Variants in HIP1 observed in about 807,000 individuals in gnomAD.
The protein encoded by HIP1 is huntingtin-interacting protein 1.
Under a neutral mutation model 147.6 loss-of-function variants are expected in HIP1, and 65 were observed. That is an observed-to-expected ratio of 0.44 (90% CI 0.36 to 0.54). The LOEUF is 0.54. HIP1 is among the 20% of genes least tolerant of loss of function. The probability of loss-of-function intolerance (pLI) is 0.00; values close to 1 mark genes in which losing one functional copy is unlikely to be tolerated. For synonymous variants in HIP1, 479 were observed against 504.0 expected, an observed-to-expected ratio of 0.95 and a Z score of 0.67; for missense variants, 1,061 against 1,299.6, an observed-to-expected ratio of 0.82 and a Z score of 2.82.
Position 75,556,306 on chromosome 7 carries a change from C to A in HIP1, c.1684-137G>T, listed in dbSNP as rs2116815528. On this transcript the variant is annotated intron_variant, in intron 17 of 30. Transcript: ENST00000336926. ...TTTAACCTGCCACTCTGATTCCCTCCCGGGGACACACTGATTGCAGTGGGG... is the reference window on the plus strand; with the variant it reads ...TTTAACCTGCCACTCTGATTCCCTCACGGGGACACACTGATTGCAGTGGGG... 8 of 1,087,566 alleles carry A rather than the reference C, an allele frequency of 7.4e-6. No homozygotes were observed. In the East Asian group the frequency reaches 1.9e-4, roughly 26 times the overall value. The allele number at this position is 1,087,566 out of a possible 1,614,324, so 67.4% of individuals were successfully genotyped here. A position where few individuals can be genotyped will look rare whatever the true frequency, so the allele number is the denominator to read the frequency against.
In HIP1 at chr7:75,556,698, G is replaced by T; in HGVS notation, c.1683+12C>A. On this transcript the variant is annotated intron_variant, in intron 17 of 30. Coordinates refer to ENST00000336926, the MANE Select transcript of HIP1 (RefSeq NM_005338.7). ...AAGACTCTATCTCCAAAAAAAAAAA[G>T]GAGGTATTTACCTGGGCAGAAGTTT... 6.6e-7 allele frequency: 1 copy of T among 1,511,570 alleles called. No individual in the cohort carries two copies. Among genetic ancestry groups the T allele is most frequent in the Non-Finnish European group, 9.1e-7 (1 of 1,095,024 alleles). 93.6% of individuals were successfully genotyped at this position (1,511,570 alleles called of 1,614,324 possible). A position where few individuals can be genotyped will look rare whatever the true frequency, so the allele number is the denominator to read the frequency against.
At chr7:75,681,333 C>A (rs545729068) in intron 1 of HIP1, among the ~76,000 whole-genome samples, 6 of 152,158 alleles carry the variant, frequency 3.9e-5, no homozygotes, top group Non-Finnish European at 8.8e-5. Context: ...TCTCTACCTT[C>A]TGGCCTTTGC....
intron 1 of HIP1, among the ~76,000 whole-genome samples, chr7:75,660,719 A>G (rs1171441029): frequency 6.6e-6 from 1 of 152,158 alleles, no homozygotes; most frequent in African/African-American, 2.4e-5. Flanking sequence ...GCCTCCTTCC[A>G]GCTCTTTCCA....
At chr7:75,591,986 G>T in intron 4 of HIP1, 70 bp downstream of exon 4, 2 of 1,219,244 alleles carry the variant, frequency 1.6e-6, no homozygotes, top group Non-Finnish European at 1.2e-6. Context: ...TCACCCTCCA[G>T]TCCTTGCTCT....
chr7:75,591,139 TC>T (rs1320856419), intron 4 of HIP1, among the ~76,000 whole-genome samples: 1 of 151,832 alleles, frequency 6.6e-6, no homozygotes, highest in Non-Finnish European at 1.5e-5. Flanking sequence ...TTCAAGCGAT[TC>T]TCCTGCCTCA....
At chr7:75,599,469 C>T (rs1796891560) in intron 1 of HIP1, among the ~76,000 whole-genome samples, 1 of 152,224 alleles carries the variant, frequency 6.6e-6, no homozygotes, top group African/African-American at 2.4e-5. Context: ...GCACCACTGC[C>T]TGGCATTGGC....
In HIP1 at chr7:75,546,943, C is replaced by T; in HGVS notation, c.2555G>A (p.Gly852Asp). The T allele has an allele frequency of 6.4e-7, 1 of 1,566,362 alleles. No homozygotes were observed. ...AGGGCCCACACCCACGCTCACCCTGCCGCTCTCCACAATCTCTCTCTGGAG... is the reference window on the plus strand; with the variant it reads ...AGGGCCCACACCCACGCTCACCCTGTCGCTCTCCACAATCTCTCTCTGGAG... ...KDLQREIVES[G>D]RGTASPKEFY... Residue 852 changes from glycine (G) to aspartate (D), a missense_variant, in exon 25 of 31, where the codon GGC becomes GAC. Physicochemically the swap from Gly to Asp is moderately conservative, Grantham distance 94. This residue lies in a region of HIP1 where 810 missense variants were observed against 946.8 expected (regional missense o/e 0.86). Transcript: ENST00000336926.
chr7:75,592,942 T>C (rs1796555088), intron 2 of HIP1, among the ~76,000 whole-genome samples: 1 of 152,142 alleles, frequency 6.6e-6, no homozygotes, highest in South Asian at 2.1e-4. Context: ...GCTGAGTTGA[T>C]GATGTGTCCT....
chr7:75,680,801 A>G (rs1375481863), intron 1 of HIP1, among the ~76,000 whole-genome samples: 1 of 151,466 alleles, frequency 6.6e-6, no homozygotes, highest in Non-Finnish European at 1.5e-5. Flanking sequence ...TTTGAGATGG[A>G]GTCTTGCTCT....
intron 1 of HIP1, among the ~76,000 whole-genome samples, chr7:75,629,108 G>A (rs782061445): frequency 1.3e-5 from 2 of 152,148 alleles, no homozygotes; most frequent in South Asian, 4.1e-4. Context: ...TCCAAAGAGA[G>A]GTTAAGATAG....
intron 8 of HIP1, among the ~76,000 whole-genome samples, chr7:75,570,640 C>T (rs782575511): frequency 2.6e-5 from 4 of 152,126 alleles, no homozygotes; most frequent in Non-Finnish European, 4.4e-5. Context: ...GAAAATGGAA[C>T]TGGGTATACG....
chr7:75,642,425 G>A (rs1473533041), intron 1 of HIP1, among the ~76,000 whole-genome samples: 1 of 152,050 alleles, frequency 6.6e-6, no homozygotes, highest in Non-Finnish European at 1.5e-5. Flanking sequence ...ATCCCATCTA[G>A]TCAGGAGGTT....
At chr7:75,595,381 T>C (rs1796706173) in intron 2 of HIP1, among the ~76,000 whole-genome samples, 1 of 151,156 alleles carries the variant, frequency 6.6e-6, no homozygotes, top group Non-Finnish European at 1.5e-5. Flanking sequence ...CTCGCTCTGT[T>C]GCCCAGGCTG....
intron 15 of HIP1, 92 bp downstream of exon 15, chr7:75,558,075 G>T: frequency 3.1e-6 from 3 of 966,244 alleles, no homozygotes; most frequent in East Asian, 2.4e-5. Flanking sequence ...TCAATGTAGG[G>T]GTTGCTGGCC....
chr7:75,546,956 T>C lies in HIP1; in HGVS notation c.2542A>G (p.Ile848Val). Residue 848 changes from isoleucine (I) to valine (V), a missense_variant, in exon 25 of 31, where the codon ATT becomes GTT. By Grantham distance (29) the Ile-to-Val change is conservative (BLOSUM62 3). Around this residue, in one of 3 missense-constraint regions of HIP1, gnomAD observed 810 missense variants for 946.8 expected, o/e 0.86. Transcript: ENST00000336926. ...ACGCTCACCCTGCCGCTCTCCACAA[T>C]CTCTCTCTGGAGGTCCTTAGAGGCC... ...IVASKDLQRE[I>V]VESGRGTASP... The C allele has an allele frequency of 6.3e-7, 1 of 1,574,950 alleles. No homozygotes were observed. Among genetic ancestry groups the C allele is most frequent in the Non-Finnish European group, 8.6e-7 (1 of 1,158,866 alleles).
chr7:75,693,116 G>A (rs907484010), intron 1 of HIP1, among the ~76,000 whole-genome samples: 3 of 150,498 alleles, frequency 2.0e-5, no homozygotes, highest in African/African-American at 7.4e-5. Flanking sequence ...AGTGAGCCGA[G>A]ATCATGCCAC....
intron 1 of HIP1, among the ~76,000 whole-genome samples, chr7:75,680,188 G>A (rs1475781018): frequency 2.0e-5 from 3 of 152,080 alleles, no homozygotes; most frequent in Admixed American, 6.6e-5. Context: ...GATTACAGGC[G>A]ACAGCCACCA....
chr7:75,631,028 A>T (rs782751705), intron 1 of HIP1, among the ~76,000 whole-genome samples: 4 of 152,118 alleles, frequency 2.6e-5, no homozygotes, highest in Non-Finnish European at 5.9e-5. Flanking sequence ...ATCACATCTC[A>T]CTGCAGCCTT....
chr7:75,651,682 G>C lies in HIP1; in HGVS notation c.121-52435C>G, dbSNP rs904436022. On this transcript the variant is annotated intron_variant, in intron 1 of 30. Transcript: ENST00000336926. ...ACCCTGGCTGCAACACTTATTCTACGTGTGGCCTTGGGCAAGTCACTCAAC... is the reference window on the plus strand; with the variant it reads ...ACCCTGGCTGCAACACTTATTCTACCTGTGGCCTTGGGCAAGTCACTCAAC... Among the ~76,000 whole-genome samples the C allele has an allele frequency of 9.2e-5, 14 of 152,090 alleles. No individual in the cohort carries two copies. The Middle Eastern group carries it at 0.017, about 185-fold the overall frequency.
Sources: gnomAD v4.1 joint callset for allele counts (sites outside exome capture counted in the v4.1 genomes callset) on GRCh38, gnomAD v4.1.1 for gene constraint, gnomAD v4.1.1 regional missense constraint, MANE v1.5 for transcripts, NCBI Gene and HGNC (gene_info 2026-07-23, HGNC 2026-07-21) for gene names.